Variants in ST18 observed in about 807,000 individuals in gnomAD.
The protein encoded by ST18 is ST18 C2H2C-type zinc finger transcription factor, also known as suppression of tumorigenicity 18 protein.
A neutral mutation model predicts 110.0 loss-of-function variants in ST18; 50 were observed. The ratio of observed to expected loss-of-function variants is 0.45; its 90% CI spans 0.36 to 0.58. ST18 has a LOEUF of 0.58. Ranked by LOEUF, ST18 falls within the 20% of genes least tolerant of loss-of-function variation. ST18 has a pLI of 0.00. For missense variants in ST18, 1,306 were observed against 1,280.1 expected (o/e 1.02, Z -0.31); for synonymous variants, 461 against 452.4 (o/e 1.02, Z -0.24).
chr8:52,317,713 A>G (rs2096057019), intron 2 of ST18, among the ~76,000 whole-genome samples: 1 of 152,160 alleles, frequency 6.6e-6, no homozygotes, highest in African/African-American at 2.4e-5. Flanking sequence ...TTTTTGTCTA[A>G]TATATTCATT....
intron 22 of ST18, among the ~76,000 whole-genome samples, chr8:52,130,728 G>A (rs143343033): frequency 6.6e-6 from 1 of 152,256 alleles, no homozygotes; most frequent in African/African-American, 2.4e-5. Context: ...TCCTCACCAA[G>A]CCTTGGCATC....
rs953775657 is a variant in ST18 at position 52,112,413 on chromosome 8, T to C, written c.*785A>G. ...GACAAATCTGCATCACTAAAAAGGC[T>C]TATGTTTCTTTAAAACATTTCAAAT... On this transcript the variant is annotated 3_prime_UTR_variant, in exon 26 of 26. Transcript: ENST00000689386. The C allele has an allele frequency of 6.6e-6, 1 of 152,650 alleles. No homozygotes were observed. Among genetic ancestry groups the C allele is most frequent in the Non-Finnish European group, 1.5e-5 (1 of 68,040 alleles). 9.5% of individuals were successfully genotyped at this position (152,650 alleles called of 1,614,324 possible).
At chr8:52,233,095 T>C (rs1417254292) in intron 2 of ST18, among the ~76,000 whole-genome samples, 1 of 152,158 alleles carries the variant, frequency 6.6e-6, no homozygotes, top group Admixed American at 6.5e-5. Context: ...AGGATAATAA[T>C]ATCACAAATA....
At chr8:52,273,159 C>T (rs139413636) in intron 2 of ST18, among the ~76,000 whole-genome samples, 3 of 152,312 alleles carry the variant, frequency 2.0e-5, no homozygotes, top group African/African-American at 4.8e-5. Context: ...ACTAACATCA[C>T]ATCCATATCT....
At chr8:52,230,246 CAA>C (rs898667213) in intron 2 of ST18, among the ~76,000 whole-genome samples, 169 bp from the exon 3 acceptor site, 14 of 152,106 alleles carry the variant, frequency 9.2e-5, no homozygotes, top group Admixed American at 6.5e-4. Context: ...AATAGTCAAA[CAA>C]TATTCATTTG....
At chr8:52,392,184 T>G (rs1332156515) in intron 2 of ST18, among the ~76,000 whole-genome samples, 3 of 152,168 alleles carry the variant, frequency 2.0e-5, no homozygotes, top group African/African-American at 7.2e-5. Context: ...GGATTTATGT[T>G]GGAATTGAAG....
At chr8:52,116,184 C>T (rs561592003) in intron 25 of ST18, 91 bp downstream of exon 25, 3 of 1,491,240 alleles carry the variant, frequency 2.0e-6, no homozygotes, top group East Asian at 4.5e-5. Context: ...CAGGTCTCCT[C>T]AAAGCTCAGT....
intron 2 of ST18, among the ~76,000 whole-genome samples, chr8:52,371,719 A>G (rs1830326200): frequency 6.6e-6 from 1 of 152,220 alleles, no homozygotes; most frequent in Admixed American, 6.5e-5. Context: ...CAGACTGCAT[A>G]CACACGGTGA....
At chr8:52,120,525 A>T (rs2044295496) in intron 23 of ST18, among the ~76,000 whole-genome samples, 1 of 152,160 alleles carries the variant, frequency 6.6e-6, no homozygotes, top group Non-Finnish European at 1.5e-5. Context: ...GGCCTGTGAA[A>T]AACCAGCCAG....
At chr8:52,385,315 C>T (rs1042181230) in intron 2 of ST18, among the ~76,000 whole-genome samples, 4 of 152,030 alleles carry the variant, frequency 2.6e-5, no homozygotes, top group East Asian at 3.9e-4. Flanking sequence ...AGAGATGAAA[C>T]GACAAAGCAC....
Position 52,110,882 on chromosome 8 carries a change from C to T in ST18, c.*2316G>A, listed in dbSNP as rs2040354078. On this transcript the variant is annotated 3_prime_UTR_variant, in exon 26 of 26. Coordinates refer to ENST00000689386, the MANE Select transcript of ST18 (RefSeq NM_001352837.2). Reference sequence around the variant, plus strand: ...CCTACCATACACCAAATGTACAGCACTGAACACAATTTTGTTGCTTTGATG... The same window carrying T: ...CCTACCATACACCAAATGTACAGCATTGAACACAATTTTGTTGCTTTGATG... The T allele has an allele frequency of 2.6e-6, 1 of 389,518 alleles. No individual in the cohort carries two copies. The allele number at this position is 389,518 out of a possible 1,614,324, so 24.1% of individuals were successfully genotyped here.
At chr8:52,368,754 T>C (rs1829145104) in intron 2 of ST18, among the ~76,000 whole-genome samples, 2 of 151,848 alleles carry the variant, frequency 1.3e-5, no homozygotes, top group South Asian at 4.2e-4. Flanking sequence ...CTGAAAAAAA[T>C]AGTGGGCAAC....
intron 2 of ST18, among the ~76,000 whole-genome samples, chr8:52,342,375 A>AC (rs33939364): frequency 0.98 from 149,811 of 152,236 alleles, 73,760 homozygotes; most frequent in Middle Eastern, 1. Context: ...TATAACTCTC[A>AC]CCCCCAAATA....
intron 2 of ST18, among the ~76,000 whole-genome samples, chr8:52,238,446 C>T (rs1403714719): frequency 6.6e-6 from 1 of 152,134 alleles, no homozygotes; most frequent in Non-Finnish European, 1.5e-5. Context: ...TCTCAAAGAA[C>T]TAAAAACAGA....
intron 2 of ST18, among the ~76,000 whole-genome samples, chr8:52,386,775 A>G (rs1019521176): frequency 8.5e-5 from 13 of 152,170 alleles, no homozygotes; most frequent in Non-Finnish European, 7.3e-5. Context: ...GTGCCAGTCA[A>G]AGCAACCACC....
At chr8:52,246,262 C>A (rs909364559) in intron 2 of ST18, among the ~76,000 whole-genome samples, 2 of 151,596 alleles carry the variant, frequency 1.3e-5, no homozygotes, top group Non-Finnish European at 2.9e-5. Context: ...AAAACTTAAA[C>A]CAAATTCAAT....
intron 23 of ST18, among the ~76,000 whole-genome samples, chr8:52,124,600 G>A (rs1463371371): frequency 2.0e-5 from 3 of 152,168 alleles, no homozygotes; most frequent in Admixed American, 6.5e-5. Flanking sequence ...CACTGCATAT[G>A]TACTGAGAGG....
intron 15 of ST18, chr8:52,154,680 C>T (rs1282167276): frequency 1.3e-5 from 2 of 152,054 alleles, no homozygotes; most frequent in Admixed American, 1.3e-4. Context: ...ATATTAATTC[C>T]AAATTAAAAT....
intron 2 of ST18, among the ~76,000 whole-genome samples, chr8:52,384,663 A>C (rs1310615090): frequency 6.6e-6 from 1 of 152,094 alleles, no homozygotes; most frequent in Non-Finnish European, 1.5e-5. Context: ...CCTGTCCAAA[A>C]TCTTCAATGG....
Sources: gnomAD v4.1 joint callset for allele counts (sites outside exome capture counted in the v4.1 genomes callset) on GRCh38, gnomAD v4.1.1 for gene constraint, MANE v1.5 for transcripts, NCBI Gene and HGNC (gene_info 2026-07-23, HGNC 2026-07-21) for gene names.